TMEM87B: variants seen among roughly 807,000 people sequenced by gnomAD.
The protein encoded by TMEM87B is transmembrane protein 87B.
Under a neutral mutation model 80.3 loss-of-function variants are expected in TMEM87B, and 83 were observed. That is an observed-to-expected ratio of 1.03 (90% CI 0.87 to 1.24). TMEM87B has a LOEUF of 1.24. Among genes scored for constraint, TMEM87B ranks in the 50% most tolerant of loss-of-function variants. The pLI is 0.00. For missense variants in TMEM87B, 625 were observed against 674.4 expected (o/e 0.93, Z 0.81); for synonymous variants, 219 against 230.5 (o/e 0.95, Z 0.45).
chr2:112,107,155 C>T (rs1000298703), intron 16 of TMEM87B, among the ~76,000 whole-genome samples: 1 of 152,018 alleles, frequency 6.6e-6, no homozygotes, highest in East Asian at 1.9e-4. Context: ...CTCAGGAGTT[C>T]GAGACCAGCC....
chr2:112,067,389 C>T (rs2104459749), intron 4 of TMEM87B, among the ~76,000 whole-genome samples: 1 of 152,224 alleles, frequency 6.6e-6, no homozygotes, highest in South Asian at 2.1e-4. Flanking sequence ...GGGTGGATCA[C>T]CTGTGGTCAG....
At chr2:112,082,657 G>GGTGT (rs141242420) in intron 8 of TMEM87B, among the ~76,000 whole-genome samples, 26 of 150,036 alleles carry the variant, frequency 1.7e-4, no homozygotes, top group Non-Finnish European at 2.5e-4. Context: ...AGTTTTTTAT[G>GGTGT]GTGTGTGTGT....
intron 11 of TMEM87B, chr2:112,095,129 T>TGTTTCTCTTTC (rs1272645147): frequency 1.1e-6 from 1 of 941,438 alleles, no homozygotes; most frequent in Non-Finnish European, 1.3e-6. Context: ...TTTTTCTTCT[T>TGTTTCTCTTTC]GTTTCTCTTT....
At chr2:112,077,097 A>T in intron 5 of TMEM87B, 95 bp from the exon 6 acceptor site, 1 of 561,756 alleles carries the variant, frequency 1.8e-6, no homozygotes, top group South Asian at 4.2e-5. Context: ...AAGTAACCCG[A>T]TTCAATTACT....
chr2:112,109,069 G>A (rs1029277382), intron 17 of TMEM87B, among the ~76,000 whole-genome samples: 4 of 152,166 alleles, frequency 2.6e-5, no homozygotes, highest in East Asian at 3.8e-4. Flanking sequence ...CCTTGCTGGG[G>A]ACTAGTGTTA....
In TMEM87B at chr2:112,118,415, G is replaced by A. The variant is rs1386981985; in HGVS notation, c.*2272G>A. On this transcript the variant is annotated 3_prime_UTR_variant, in exon 19 of 19. Coordinates refer to ENST00000283206, the MANE Select transcript of TMEM87B (RefSeq NM_032824.3). ...TTACTTTTAGCATGCCCCCATCAGG[G>A]TGGGTCTCACTGTTAGTGAGGATAC... is the stretch of plus-strand genomic sequence containing the variant. 1.3e-5 allele frequency: 2 copies of A among 152,160 alleles called. No individual in the cohort carries two copies. The highest frequency in any genetic ancestry group is 6.5e-5 in the Admixed American group (1 of 15,272). 9.4% of individuals were successfully genotyped at this position (152,160 alleles called of 1,614,324 possible).
chr2:112,067,072 G>GTATC lies in TMEM87B; in HGVS notation c.450+7_450+10dup, dbSNP rs769856540. ...CAGGTGTTTCCCTCTTTGAATGTGA[G>GTATC]TATCTGACTTGCCATGTTAAAGTTT... is the stretch of plus-strand genomic sequence containing the variant. On this transcript the variant is annotated splice_donor_region_variant and intron_variant, in intron 4 of 18. Transcript: ENST00000283206. 2 of 1,607,896 alleles carry GTATC rather than the reference G, an allele frequency of 1.2e-6. No homozygotes were observed. The highest frequency in any genetic ancestry group is 1.7e-4 in the Middle Eastern group (1 of 6,026).
chr2:112,060,959 G>A (rs1678241536), intron 2 of TMEM87B, among the ~76,000 whole-genome samples: 2 of 152,140 alleles, frequency 1.3e-5, no homozygotes, highest in South Asian at 2.1e-4. Context: ...TTAACTTTGA[G>A]TCTCAGATTT....
At chr2:112,100,252 T>G (rs1018982159) in intron 14 of TMEM87B, among the ~76,000 whole-genome samples, 1 of 152,216 alleles carries the variant, frequency 6.6e-6, no homozygotes, top group African/African-American at 2.4e-5. Context: ...GGGCTTTATT[T>G]TCACCAATCA....
In TMEM87B at chr2:112,081,446, A is replaced by G; in HGVS notation, c.766A>G (p.Ile256Val). Residue 256 changes from isoleucine to valine, a missense_variant, in exon 8 of 19, where the codon ATT (isoleucine) becomes GTT (valine). Coordinates refer to ENST00000283206, the MANE Select transcript of TMEM87B (RefSeq NM_032824.3). ...LRIQFWIAAV[I>V]FLGMLEKAVF... is the part of the protein sequence containing the mutation. Reference sequence around the variant, plus strand: ...AATCCAGTTCTGGATTGCAGCTGTTATTTTTTTGGGAATGCTTGAAAAAGC... The same window carrying G: ...AATCCAGTTCTGGATTGCAGCTGTTGTTTTTTTGGGAATGCTTGAAAAAGC... The G allele has an allele frequency of 1.2e-6, 2 of 1,613,686 alleles. No individual in the cohort carries two copies.
intron 11 of TMEM87B, among the ~76,000 whole-genome samples, chr2:112,092,274 A>G (rs905495117): frequency 6.6e-6 from 1 of 152,182 alleles, no homozygotes; most frequent in Non-Finnish European, 1.5e-5. Context: ...TATTCTAGGA[A>G]GAACGGAGGG....
chr2:112,081,719 C>A (rs958999032), intron 8 of TMEM87B, among the ~76,000 whole-genome samples: 4 of 152,138 alleles, frequency 2.6e-5, no homozygotes, highest in African/African-American at 9.7e-5. Flanking sequence ...TATCTGTTTT[C>A]CTTCTTGCTA....
chr2:112,066,116 T>G (rs1678428300), intron 3 of TMEM87B, among the ~76,000 whole-genome samples: 1 of 152,256 alleles, frequency 6.6e-6, no homozygotes, highest in Admixed American at 6.5e-5. Flanking sequence ...GTTGTGGTTT[T>G]CATCAAACCT....
intron 17 of TMEM87B, among the ~76,000 whole-genome samples, chr2:112,110,860 C>A (rs1679892389): frequency 6.6e-6 from 1 of 152,082 alleles, no homozygotes; most frequent in Non-Finnish European, 1.5e-5. Context: ...CTTTTTGTCC[C>A]ACTCGATTTG....
chr2:112,075,041 C>T, intron 5 of TMEM87B, 79 bp downstream of exon 5: 1 of 1,500,218 alleles, frequency 6.7e-7, no homozygotes, highest in Non-Finnish European at 9.0e-7. Context: ...TGGATAGATA[C>T]TTAGAGAGTG....
chr2:112,100,643 A>G lies in TMEM87B; in HGVS notation c.1398A>G (p.Ile466Met). 6.2e-7 allele frequency: 1 copy of G among 1,610,130 alleles called. No individual in the cohort carries two copies. Among genetic ancestry groups the G allele is most frequent in the Non-Finnish European group, 8.5e-7 (1 of 1,177,384 alleles). The change falls in exon 15 of 19, where the codon ATA becomes ATG. Residue 466 changes from isoleucine to methionine, a missense_variant. Ile to Met is a conservative substitution (Grantham distance 10). Coordinates refer to ENST00000283206, the MANE Select transcript of TMEM87B (RefSeq NM_032824.3). ...NNQRYAFMPL[I>M]DDSDDEIEEF... ...ATAGATATGCCTTCATGCCCTTAAT[A>G]GATGATTCTGATGATGAAATTGAGG...
chr2:112,059,147 TTTTTG>T (rs748411049), intron 1 of TMEM87B, among the ~76,000 whole-genome samples: 13 of 152,146 alleles, frequency 8.5e-5, no homozygotes, highest in East Asian at 3.8e-4. Context: ...CTATCAGTGT[TTTTTG>T]TTTTGTTTTG....
chr2:112,074,989 C>A lies in TMEM87B; in HGVS notation c.501+27C>A. 3 of 1,573,868 alleles carry A rather than the reference C, an allele frequency of 1.9e-6. No homozygotes were observed. The South Asian group carries it at 3.4e-5, about 18-fold the overall frequency. On this transcript the variant is annotated intron_variant, in intron 5 of 18. Transcript: ENST00000283206. The stretch of plus-strand genomic sequence containing the variant: ...TAAGCAGTTTGATTTGTCTTTAAAT[C>A]AAATATACACAAGTTAACGTAAGAC...
intron 4 of TMEM87B, among the ~76,000 whole-genome samples, chr2:112,068,374 TAAACAC>T (rs1678501822): frequency 6.6e-6 from 1 of 152,166 alleles, no homozygotes; most frequent in African/African-American, 2.4e-5. Context: ...TGAAATATAA[TAAACAC>T]AGAAAAGTAC....
Sources: gnomAD v4.1 joint callset for allele counts (sites outside exome capture counted in the v4.1 genomes callset) on GRCh38, gnomAD v4.1.1 for gene constraint, MANE v1.5 for transcripts, NCBI Gene and HGNC (gene_info 2026-07-23, HGNC 2026-07-21) for gene names.